The following ASTN2 variants were observed in gnomAD, a reference collection of about 807,000 sequenced individuals.
ASTN2 encodes the protein astrotactin 2.
In ASTN2, 54 loss-of-function variants were observed where a neutral mutation model predicts 139.8. The ratio of observed to expected loss-of-function variants is 0.39; its 90% CI spans 0.31 to 0.48. The LOEUF is 0.48. ASTN2 is among the 20% of genes least tolerant of loss of function. The pLI is 0.95. For missense variants in ASTN2, 1,565 were observed against 1,725.1 expected (o/e 0.91, Z 1.64); for synonymous variants, 756 against 719.5 (o/e 1.05, Z -0.81).
rs573801482 is a variant in ASTN2, at chr9:116,575,216, T to G, written c.3355+43108A>C. On this transcript the variant is annotated intron_variant, in intron 19 of 22. Coordinates refer to ENST00000313400, the MANE Select transcript of ASTN2 (RefSeq NM_001365068.1). ...TTTATTGGCTTACCTCTTTTTTTCATAGTAAAATTATGTTTTTAATAATTA... is the reference window on the plus strand; with the variant it reads ...TTTATTGGCTTACCTCTTTTTTTCAGAGTAAAATTATGTTTTTAATAATTA... Among the ~76,000 whole-genome samples the G allele has an allele frequency of 8.5e-5, 13 of 152,096 alleles. No homozygotes were observed. In the South Asian group the frequency reaches 2.7e-3, roughly 32 times the overall value.
intron 19 of ASTN2, among the ~76,000 whole-genome samples, chr9:116,609,377 G>GTATATATATATATATATATATATA (rs1356237603): frequency 3.2e-5 from 1 of 31,612 alleles, no homozygotes; most frequent in Non-Finnish European, 5.6e-5. Context: ...ATATATATGG[G>GTATATATATATATATATATATATA]TGTATATATA....
At chr9:116,593,063 A>G (rs957082056) in intron 19 of ASTN2, among the ~76,000 whole-genome samples, 16 of 152,244 alleles carry the variant, frequency 1.1e-4, no homozygotes, top group Non-Finnish European at 2.2e-4. Context: ...CCCATGACAC[A>G]TGAATTGGAA....
At chr9:116,634,926 T>C (rs535937361) in intron 17 of ASTN2, among the ~76,000 whole-genome samples, 8 of 151,538 alleles carry the variant, frequency 5.3e-5, no homozygotes, top group African/African-American at 1.2e-4. Flanking sequence ...GAGAAGAGGA[T>C]TGGGGGAGAA....
intron 19 of ASTN2, among the ~76,000 whole-genome samples, chr9:116,564,829 A>G (rs1367041283): frequency 6.6e-6 from 1 of 152,142 alleles, no homozygotes; most frequent in Non-Finnish European, 1.5e-5. Context: ...TTTCTATGAT[A>G]CTAATTTATA....
chr9:117,232,308 T>C (rs550394671), intron 2 of ASTN2, among the ~76,000 whole-genome samples: 2 of 152,200 alleles, frequency 1.3e-5, no homozygotes, highest in East Asian at 1.9e-4. Flanking sequence ...AAGATAAATT[T>C]CCCCCAAATC....
intron 10 of ASTN2, among the ~76,000 whole-genome samples, chr9:116,964,216 GGTGTGTGTGTGTGT>G (rs56209166): frequency 0.031 from 4,411 of 140,808 alleles, 95 homozygotes; most frequent in South Asian, 0.064. Context: ...ACTGCCCTGG[GGTGTGTGTGTGTGT>G]GTGTGTGTGT....
intron 1 of ASTN2, among the ~76,000 whole-genome samples, chr9:117,337,448 C>T (rs180752147): frequency 6.6e-6 from 1 of 152,042 alleles, no homozygotes; most frequent in Non-Finnish European, 1.5e-5. Context: ...TTTCAAAAGA[C>T]CAGGTATGTG....
intron 3 of ASTN2, among the ~76,000 whole-genome samples, chr9:117,148,858 C>A (rs1830262292): frequency 6.6e-6 from 1 of 152,144 alleles, no homozygotes; most frequent in Non-Finnish European, 1.5e-5. Flanking sequence ...GAAAGACTAA[C>A]CTCTCTGAGT....
intron 13 of ASTN2, among the ~76,000 whole-genome samples, chr9:116,735,101 C>T (rs182182169): frequency 6.6e-6 from 1 of 152,176 alleles, no homozygotes; most frequent in Non-Finnish European, 1.5e-5. Context: ...GGTGGTGGAG[C>T]TGGGATACGA....
chr9:117,292,241 C>A (rs1372431576), intron 1 of ASTN2, among the ~76,000 whole-genome samples: 1 of 152,196 alleles, frequency 6.6e-6, no homozygotes, highest in Non-Finnish European at 1.5e-5. Flanking sequence ...AATCTCCCAA[C>A]TTGAAGTTTC....
At chr9:117,001,385 G>A (rs989070626) in intron 7 of ASTN2, among the ~76,000 whole-genome samples, 1 of 152,150 alleles carries the variant, frequency 6.6e-6, no homozygotes, top group Admixed American at 6.5e-5. Context: ...GCAAAGAGTG[G>A]AGAAAGTTCT....
At chr9:116,958,925 T>C (rs1835798471) in intron 10 of ASTN2, among the ~76,000 whole-genome samples, 1 of 152,130 alleles carries the variant, frequency 6.6e-6, no homozygotes, top group African/African-American at 2.4e-5. Flanking sequence ...ACAATTTTTG[T>C]GCTGAAAAAA....
chr9:117,225,946 G>T (rs916923966), intron 2 of ASTN2, among the ~76,000 whole-genome samples: 4 of 152,022 alleles, frequency 2.6e-5, no homozygotes, highest in Non-Finnish European at 5.9e-5. Context: ...AAATACACAG[G>T]TATGCCCTTG....
At chr9:117,193,174 T>G (rs1327201148) in intron 3 of ASTN2, among the ~76,000 whole-genome samples, 1 of 152,156 alleles carries the variant, frequency 6.6e-6, no homozygotes, top group Non-Finnish European at 1.5e-5. Flanking sequence ...TCTCCCCCTG[T>G]GGCTGTGGAG....
intron 11 of ASTN2, among the ~76,000 whole-genome samples, chr9:116,841,523 A>C (rs1321874805): frequency 1.3e-5 from 2 of 152,190 alleles, no homozygotes; most frequent in Admixed American, 1.3e-4. Context: ...TACAGGTATG[A>C]GCCACCATGC....
intron 5 of ASTN2, among the ~76,000 whole-genome samples, chr9:117,060,052 T>C (rs995017946): frequency 6.6e-6 from 1 of 152,130 alleles, no homozygotes; most frequent in Non-Finnish European, 1.5e-5. Flanking sequence ...GGCTCATGCC[T>C]GTAATCCCAG....
In ASTN2 at chr9:117,068,631, C is replaced by G. The variant is rs1182191541; in HGVS notation, c.1276+27413G>C. ...TGGTAGAATTCGGCTGTGAATCCAT[C>G]TGGTCCTGGACTCTTTTTGGTTGGT... is the stretch of plus-strand genomic sequence containing the variant. On this transcript the variant is annotated intron_variant, in intron 5 of 22. Coordinates refer to ENST00000313400, the MANE Select transcript of ASTN2 (RefSeq NM_001365068.1). Among the ~76,000 whole-genome samples, 2 of 102,450 alleles carry G rather than the reference C, an allele frequency of 2.0e-5. 1 individual carries two copies. The highest frequency in any genetic ancestry group is 4.0e-5 in the Non-Finnish European group (2 of 50,270). The allele number at this position is 102,450 out of a possible 152,430, so 67.2% of individuals were successfully genotyped here.
At chr9:117,318,164 G>T (rs1828206768) in intron 1 of ASTN2, among the ~76,000 whole-genome samples, 1 of 152,146 alleles carries the variant, frequency 6.6e-6, no homozygotes, top group Non-Finnish European at 1.5e-5. Flanking sequence ...AGCCTGACTA[G>T]GTTCAAATCC....
chr9:117,309,598 C>T (rs376578297), intron 1 of ASTN2, among the ~76,000 whole-genome samples: 5 of 152,160 alleles, frequency 3.3e-5, no homozygotes, highest in South Asian at 2.1e-4. Context: ...TAAAGCAAAC[C>T]TTCCATCCCT....
Sources: allele counts gnomAD v4.1 joint callset (sites outside exome capture counted in the v4.1 genomes callset), GRCh38; gene constraint gnomAD v4.1.1; transcripts MANE v1.5; gene names NCBI Gene and HGNC (gene_info 2026-07-23, HGNC 2026-07-21).